TCF4: variants seen among roughly 807,000 people sequenced by gnomAD.
TCF4 encodes transcription factor 4, also known as SL3-3 enhancer factor 2.
A neutral mutation model predicts 82.1 loss-of-function variants in TCF4; 3 were observed. That is an observed-to-expected ratio of 0.04 (90% confidence interval 0.02 to 0.09). TCF4 has a LOEUF of 0.09. Among genes scored for constraint, TCF4 ranks in the 10% least tolerant of loss-of-function variants. The pLI is 1.00. For synonymous variants in TCF4, 276 were observed against 309.6 expected (o/e 0.89, Z 1.14); for missense variants, 518 against 852.7 (o/e 0.61, Z 4.89).
At chr18:55,491,761 C>T (rs898311286) in intron 3 of TCF4, among the ~76,000 whole-genome samples, 1 of 152,166 alleles carries the variant, frequency 6.6e-6, no homozygotes, top group African/African-American at 2.4e-5. Context: ...CCTCATGACT[C>T]CTTTGATGAA....
chr18:55,294,579 G>A (rs974910388), intron 8 of TCF4, among the ~76,000 whole-genome samples: 5 of 152,116 alleles, frequency 3.3e-5, no homozygotes, highest in African/African-American at 4.8e-5. Flanking sequence ...GGTGTTGTGC[G>A]TGGGGTGAAC....
At chr18:55,291,006 C>G (rs143512154) in intron 8 of TCF4, among the ~76,000 whole-genome samples, 1 of 152,110 alleles carries the variant, frequency 6.6e-6, no homozygotes, top group Non-Finnish European at 1.5e-5. Flanking sequence ...TATTTTAAAT[C>G]AAAAGGACTT....
At chr18:55,248,559 T>C (rs1387236152) in intron 15 of TCF4, among the ~76,000 whole-genome samples, 1 of 152,210 alleles carries the variant, frequency 6.6e-6, no homozygotes, top group Non-Finnish European at 1.5e-5. Context: ...TAGCAACTCA[T>C]TGCAGGCAGC....
intron 3 of TCF4, among the ~76,000 whole-genome samples, chr18:55,561,446 G>C (rs1463922701): frequency 1.3e-5 from 2 of 152,122 alleles, no homozygotes; most frequent in Admixed American, 1.3e-4. Flanking sequence ...ATTAATAAGT[G>C]AATGTGTAAA....
chr18:55,599,745 A>G (rs1339332306), intron 2 of TCF4, among the ~76,000 whole-genome samples: 1 of 152,216 alleles, frequency 6.6e-6, no homozygotes, highest in Non-Finnish European at 1.5e-5. Flanking sequence ...GTGGTACAAT[A>G]TATGTATGAT....
intron 8 of TCF4, 155 bp from the exon 9 acceptor site, chr18:55,279,811 A>G (rs1361525613): frequency 8.3e-6 from 10 of 1,199,366 alleles, no homozygotes; most frequent in Non-Finnish European, 1.1e-5. Context: ...TTCCGAACAC[A>G]CTAAAACAAA....
chr18:55,482,294 A>AT (rs1021210043), intron 3 of TCF4: 1 of 152,184 alleles, frequency 6.6e-6, no homozygotes, highest in African/African-American at 2.4e-5. Flanking sequence ...CTTTGTCCTG[A>AT]TTGGGACCAT....
intron 3 of TCF4, among the ~76,000 whole-genome samples, chr18:55,471,575 T>C (rs2096180750): frequency 6.6e-6 from 1 of 152,126 alleles, no homozygotes; most frequent in South Asian, 2.1e-4. Flanking sequence ...GAGATCAGCC[T>C]GGGCAACATG....
intron 2 of TCF4, among the ~76,000 whole-genome samples, chr18:55,608,594 A>G (rs1010338242): frequency 1.3e-5 from 2 of 152,132 alleles, no homozygotes; most frequent in African/African-American, 4.8e-5. Flanking sequence ...CAAGATTTGC[A>G]TATTTTTATA....
intron 3 of TCF4, among the ~76,000 whole-genome samples, chr18:55,502,572 T>C (rs927185716): frequency 2.6e-5 from 4 of 152,232 alleles, no homozygotes; most frequent in Non-Finnish European, 5.9e-5. Context: ...TTTATTCTTC[T>C]GTTGCTATTT....
At chr18:55,298,128 T>G (rs2067072594) in intron 8 of TCF4, among the ~76,000 whole-genome samples, 1 of 152,226 alleles carries the variant, frequency 6.6e-6, no homozygotes. Context: ...AAGCATCCAG[T>G]CGGTATCTAA....
intron 15 of TCF4, among the ~76,000 whole-genome samples, chr18:55,249,564 G>A (rs1162318074): frequency 6.6e-6 from 1 of 152,134 alleles, no homozygotes; most frequent in Non-Finnish European, 1.5e-5. Context: ...TCAGGCCCCT[G>A]GTCTTTTAGA....
At position 55,254,513 on chromosome 18, in the gene TCF4, T is replaced by C. The variant is rs1445460827; in HGVS notation, c.1334A>G (p.Asn445Ser). ...ATCACTTACCATGAGTGAATGTCTG[T>C]TGGCTGAAAGAAGGCCGGTTCCATA... ...SGYGTGLLSA[N>S]RHSLMVGTHR... Residue 445 changes from asparagine to serine, a missense_variant, in exon 15 of 20, where the codon AAC becomes AGC. By Grantham distance (46) the Asn-to-Ser change is conservative. Transcript: ENST00000354452. 6.2e-7 allele frequency: 1 copy of C among 1,613,576 alleles called. No homozygotes were observed. The highest frequency in any genetic ancestry group is 8.5e-7 in the Non-Finnish European group (1 of 1,179,786).
chr18:55,383,390 G>T (rs1286105498), intron 6 of TCF4, among the ~76,000 whole-genome samples: 1 of 152,162 alleles, frequency 6.6e-6, no homozygotes, highest in Non-Finnish European at 1.5e-5. Context: ...ATGCAAAGAT[G>T]TATTTTCCTC....
chr18:55,532,708 T>C (rs2097077508), intron 3 of TCF4, among the ~76,000 whole-genome samples: 1 of 152,202 alleles, frequency 6.6e-6, no homozygotes, highest in Non-Finnish European at 1.5e-5. Flanking sequence ...ATTCCACTGA[T>C]ATGCACTGAG....
At chr18:55,466,512 A>G (rs1319561588) in intron 3 of TCF4, among the ~76,000 whole-genome samples, 5 of 152,072 alleles carry the variant, frequency 3.3e-5, no homozygotes, top group Non-Finnish European at 7.4e-5. Context: ...ATATATATAT[A>G]TATTTTTGGT....
chr18:55,304,297 C>A (rs1168177674), intron 8 of TCF4, among the ~76,000 whole-genome samples: 2 of 151,930 alleles, frequency 1.3e-5, no homozygotes, highest in Non-Finnish European at 2.9e-5. Flanking sequence ...AAAACATAAA[C>A]AAAAATATAG....
chr18:55,545,494 G>A (rs555499927), intron 3 of TCF4, among the ~76,000 whole-genome samples: 25 of 152,030 alleles, frequency 1.6e-4, no homozygotes, highest in Non-Finnish European at 2.9e-4. Flanking sequence ...TGTTACTCAG[G>A]CTGGAGTGCA....
At chr18:55,591,941 A>G (rs190851756), upstream of TCF4, among the ~76,000 whole-genome samples, 2 of 152,344 alleles carry the variant, frequency 1.3e-5, no homozygotes, top group Admixed American at 1.3e-4. Context: ...CCCTACAATC[A>G]GAAAACCAGG....
Sources: gnomAD v4.1 joint callset for allele counts (sites outside exome capture counted in the v4.1 genomes callset) on GRCh38, gnomAD v4.1.1 for gene constraint, MANE v1.5 for transcripts, NCBI Gene and HGNC (gene_info 2026-07-23, HGNC 2026-07-21) for gene names.